RABGAP1L: variants seen among roughly 807,000 people sequenced by gnomAD.
RABGAP1L encodes the protein rab GTPase-activating protein 1-like.
In RABGAP1L, 63 loss-of-function variants were observed where a neutral mutation model predicts 137.7. The observed-to-expected ratio is 0.46, with a 90% CI of 0.37 to 0.56. The LOEUF (loss-of-function observed/expected upper bound fraction) is 0.56, where lower values mean the gene tolerates loss of function less well. RABGAP1L is among the 20% of genes least tolerant of loss of function. The pLI, the probability that RABGAP1L is intolerant of heterozygous loss-of-function variation, is 0.00. For synonymous variants in RABGAP1L, 431 were observed against 433.7 expected, an observed-to-expected ratio of 0.99 and a Z score of 0.08; for missense variants, 1,095 against 1,244.0, an observed-to-expected ratio of 0.88 and a Z score of 1.80.
At chr1:174,475,494 TGC>T (rs1658403950) in intron 13 of RABGAP1L, among the ~76,000 whole-genome samples, 2 of 152,122 alleles carry the variant, frequency 1.3e-5, no homozygotes, top group Non-Finnish European at 2.9e-5. Flanking sequence ...TATTTTGTAG[TGC>T]TGTATATCCA....
chr1:174,614,750 C>G (rs1443367170), intron 13 of RABGAP1L, among the ~76,000 whole-genome samples: 1 of 152,162 alleles, frequency 6.6e-6, no homozygotes, highest in Non-Finnish European at 1.5e-5. Flanking sequence ...CACATAGTCC[C>G]ATATTTCTTG....
chr1:174,963,217 A>C (rs904858397), intron 20 of RABGAP1L, among the ~76,000 whole-genome samples: 6 of 152,162 alleles, frequency 3.9e-5, no homozygotes, highest in Admixed American at 2.0e-4. Flanking sequence ...ATGTGCTTTT[A>C]AGGAATAGTA....
chr1:174,988,748 G>C lies in RABGAP1L; in HGVS notation c.2913G>C (p.Glu971Asp), dbSNP rs758749171. ...ACCAGGGAATTGAAACAGATGATGA[G>C]AAGGACTCACTTAAGAAGCAGCTGA... ...REDQGIETDD[E>D]KDSLKKQLRE... The change falls in exon 25 of 26, where the codon GAG becomes GAC. Residue 971 changes from glutamate to aspartate, a missense_variant. By Grantham distance (45) the Glu-to-Asp change is conservative (BLOSUM62 2). Transcript: ENST00000681986. The C allele has an allele frequency of 1.3e-6, 2 of 1,550,136 alleles. No individual in the cohort carries two copies. Among genetic ancestry groups the C allele is most frequent in the East Asian group, 2.4e-5 (1 of 40,842 alleles).
chr1:174,252,576 A>C lies in RABGAP1L; in HGVS notation c.972A>C (p.Glu324Asp), dbSNP rs770861365. The change falls in exon 7 of 26, where the codon GAA becomes GAC. Residue 324 changes from glutamate (E) to aspartate (D), a missense_variant. Glu to Asp is a conservative substitution (Grantham distance 45). This residue lies in a region of RABGAP1L where 112 missense variants were observed against 157.3 expected (regional missense o/e 0.71). Transcript: ENST00000681986. ...CAGTGCAGCAACTTTCTAACAAAGA[A>C]TTAGCTATTGAAAGGTAAGCAGCTT... Reference protein sequence around the residue: ...VITVQQLSNKELAIERCFGML... With the variant: ...VITVQQLSNKDLAIERCFGML... 1.2e-6 allele frequency: 2 copies of C among 1,609,398 alleles called. No individual in the cohort carries two copies. Among genetic ancestry groups the C allele is most frequent in the East Asian group, 4.5e-5 (2 of 44,658 alleles).
At chr1:174,266,988 TA>T (rs1674128370) in intron 7 of RABGAP1L, among the ~76,000 whole-genome samples, 1 of 152,092 alleles carries the variant, frequency 6.6e-6, no homozygotes, top group African/African-American at 2.4e-5. Context: ...ATGATAAATT[TA>T]AAAAAATGAT....
chr1:174,716,450 T>G (rs977495980), intron 17 of RABGAP1L, among the ~76,000 whole-genome samples: 2 of 152,152 alleles, frequency 1.3e-5, no homozygotes, highest in Non-Finnish European at 2.9e-5. Flanking sequence ...CCCAGCTGTT[T>G]GGCATTTTTA....
intron 11 of RABGAP1L, among the ~76,000 whole-genome samples, chr1:174,360,505 A>G (rs1490377998): frequency 6.6e-6 from 1 of 152,220 alleles, no homozygotes; most frequent in African/African-American, 2.4e-5. Flanking sequence ...TTTTGCAGGA[A>G]AAGTCAACAC....
chr1:174,510,591 A>G (rs1035503474), intron 13 of RABGAP1L, among the ~76,000 whole-genome samples: 5 of 152,200 alleles, frequency 3.3e-5, no homozygotes, highest in African/African-American at 1.2e-4. Flanking sequence ...TAGAATGGCA[A>G]CTTGGATAGA....
At chr1:174,312,701 C>T (rs1678972027) in intron 11 of RABGAP1L, among the ~76,000 whole-genome samples, 2 of 152,158 alleles carry the variant, frequency 1.3e-5, no homozygotes, top group South Asian at 4.1e-4. Flanking sequence ...GAGATTTTCC[C>T]CAGTGTTTCT....
chr1:174,525,688 G>A (rs1663814202), intron 13 of RABGAP1L, among the ~76,000 whole-genome samples: 1 of 152,076 alleles, frequency 6.6e-6, no homozygotes, highest in Admixed American at 6.6e-5. Flanking sequence ...GAATAGGAGT[G>A]GTGAAAGTGG....
chr1:174,518,872 C>T (rs1271720231), intron 13 of RABGAP1L, among the ~76,000 whole-genome samples: 1 of 151,968 alleles, frequency 6.6e-6, no homozygotes, highest in Non-Finnish European at 1.5e-5. Context: ...AACAGCAAGA[C>T]CAGAAAAAGT....
chr1:174,389,841 T>C (rs1232865393), intron 12 of RABGAP1L, among the ~76,000 whole-genome samples: 1 of 152,136 alleles, frequency 6.6e-6, no homozygotes, highest in Non-Finnish European at 1.5e-5. Flanking sequence ...CCAATTACTG[T>C]ATGATTAATA....
At chr1:174,956,499 A>G (rs1408953590) in intron 19 of RABGAP1L, among the ~76,000 whole-genome samples, 1 of 152,152 alleles carries the variant, frequency 6.6e-6, no homozygotes, top group Non-Finnish European at 1.5e-5. Context: ...GGATGACATA[A>G]TTTTAGCAAG....
chr1:174,423,272 A>G (rs1305873750), intron 13 of RABGAP1L, among the ~76,000 whole-genome samples: 2 of 152,148 alleles, frequency 1.3e-5, no homozygotes, highest in African/African-American at 4.8e-5. Context: ...GAATTCAACA[A>G]TATACAATAT....
At chr1:174,293,466 A>G (rs1676817507) in intron 10 of RABGAP1L, among the ~76,000 whole-genome samples, 4 of 152,208 alleles carry the variant, frequency 2.6e-5, no homozygotes, top group Admixed American at 6.5e-5. Flanking sequence ...TTTTCTTGTT[A>G]CATGCTAACT....
chr1:174,385,199 CAT>C (rs1306345407), intron 12 of RABGAP1L, among the ~76,000 whole-genome samples: 7 of 152,268 alleles, frequency 4.6e-5, no homozygotes, highest in Admixed American at 3.3e-4. Context: ...CAGAGGGTGA[CAT>C]GTGATCGGAT....
chr1:174,213,050 G>T (rs1405589130), intron 1 of RABGAP1L, among the ~76,000 whole-genome samples: 2 of 152,122 alleles, frequency 1.3e-5, no homozygotes, highest in African/African-American at 4.8e-5. Context: ...GTAATGAAAA[G>T]TGTCCTAGCA....
At chr1:174,542,696 T>G (rs1014854632) in intron 13 of RABGAP1L, among the ~76,000 whole-genome samples, 2 of 152,224 alleles carry the variant, frequency 1.3e-5, no homozygotes, top group Non-Finnish European at 2.9e-5. Context: ...AGGGTGTCAA[T>G]TTTAGATCTT....
At chr1:174,220,764 C>A in intron 2 of RABGAP1L, 1 of 372,574 alleles carries the variant, frequency 2.7e-6, no homozygotes, top group South Asian at 9.3e-5. Context: ...ATAAAGAATC[C>A]TTTTGTGAAA....
Sources: gnomAD v4.1 joint callset for allele counts (sites outside exome capture counted in the v4.1 genomes callset) on GRCh38, gnomAD v4.1.1 for gene constraint, gnomAD v4.1.1 regional missense constraint, MANE v1.5 for transcripts, NCBI Gene and HGNC (gene_info 2026-07-23, HGNC 2026-07-21) for gene names.